BRINP3: variants seen among roughly 807,000 people sequenced by gnomAD.
BRINP3 encodes the protein BMP/retinoic acid inducible neural specific 3, also known as BMP/retinoic acid-inducible neural-specific protein 3.
Under a neutral mutation model 71.0 loss-of-function variants are expected in BRINP3, and 19 were observed. That is an observed-to-expected ratio of 0.27 (90% CI 0.19 to 0.39). BRINP3 has a LOEUF of 0.39. Among genes scored for constraint, BRINP3 ranks in the 10% least tolerant of loss-of-function variants. The pLI is 1.00. For synonymous variants in BRINP3, 380 were observed against 337.7 expected (o/e 1.13, Z -1.37); for missense variants, 959 against 940.8 (o/e 1.02, Z -0.25).
In BRINP3 at chr1:190,344,474, G is replaced by A. The variant is rs578032736; in HGVS notation, c.237-62724C>T. Among the ~76,000 whole-genome samples, 326 of 151,938 alleles carry A rather than the reference G, an allele frequency of 2.1e-3. 1 individual carries two copies. Among genetic ancestry groups the A allele is most frequent in the African/African-American group, 7.6e-3 (315 of 41,538 alleles). On this transcript the variant is annotated intron_variant, in intron 2 of 7. Transcript: ENST00000367462. ...TCAAAACTTTTCAGTGCAAACATAA[G>A]TAGCAAAGATTTGATTGTCTATTAC... is the stretch of plus-strand genomic sequence containing the variant.
At chr1:190,225,762 C>G (rs143885437) in intron 6 of BRINP3, among the ~76,000 whole-genome samples, 46 of 151,952 alleles carry the variant, frequency 3.0e-4, no homozygotes, top group African/African-American at 1.1e-3. Context: ...AAAGCAGACA[C>G]TAGAAAAGTA....
At chr1:190,331,944 T>C (rs1442551983) in intron 2 of BRINP3, among the ~76,000 whole-genome samples, 1 of 152,020 alleles carries the variant, frequency 6.6e-6, no homozygotes, top group Non-Finnish European at 1.5e-5. Context: ...GCATCACTAG[T>C]ATTTTCTTAA....
intron 2 of BRINP3, among the ~76,000 whole-genome samples, chr1:190,431,227 G>T: frequency 6.6e-6 from 1 of 152,034 alleles, no homozygotes; most frequent in East Asian, 1.9e-4. Flanking sequence ...TTAATTAATT[G>T]ATTGTAAATG....
intron 7 of BRINP3, 53 bp from the exon 8 acceptor site, chr1:190,099,187 C>T (rs567209093): frequency 1.2e-5 from 18 of 1,512,064 alleles, no homozygotes; most frequent in Non-Finnish European, 1.6e-5. Flanking sequence ...ATTCTGTGTA[C>T]TGCAGTAAAC....
At chr1:190,446,400 C>G (rs1411392651) in intron 2 of BRINP3, among the ~76,000 whole-genome samples, 2 of 151,948 alleles carry the variant, frequency 1.3e-5, no homozygotes, top group African/African-American at 4.8e-5. Context: ...GGGTAAAAAG[C>G]TTCCTTCTTA....
At chr1:190,393,571 A>C (rs1407813298) in intron 2 of BRINP3, among the ~76,000 whole-genome samples, 1 of 151,664 alleles carries the variant, frequency 6.6e-6, no homozygotes, top group African/African-American at 2.4e-5. Flanking sequence ...ATTTATTTTT[A>C]ATGAACTGAT....
intron 6 of BRINP3, among the ~76,000 whole-genome samples, chr1:190,162,011 G>T (rs1241827288): frequency 6.6e-6 from 1 of 151,962 alleles, no homozygotes; most frequent in Non-Finnish European, 1.5e-5. Flanking sequence ...GATCAAATAA[G>T]TACAGAGTTC....
chr1:190,350,485 C>T (rs781553778), intron 2 of BRINP3, among the ~76,000 whole-genome samples: 9 of 152,046 alleles, frequency 5.9e-5, no homozygotes, highest in Non-Finnish European at 1.2e-4. Flanking sequence ...TAAAAATGGA[C>T]ACCAAATACT....
chr1:190,377,657 CA>C (rs1346496372), intron 2 of BRINP3, among the ~76,000 whole-genome samples: 1 of 150,396 alleles, frequency 6.6e-6, no homozygotes, highest in African/African-American at 2.4e-5. Context: ...TACACACACA[CA>C]AAGTGTTAGA....
intron 6 of BRINP3, among the ~76,000 whole-genome samples, chr1:190,215,120 C>T (rs1656299719): frequency 6.7e-6 from 1 of 148,966 alleles, no homozygotes; most frequent in African/African-American, 2.5e-5. Flanking sequence ...GAAATGAAAT[C>T]TTGCGTCTCC....
intron 4 of BRINP3, among the ~76,000 whole-genome samples, chr1:190,239,494 C>A (rs181973741): frequency 6.6e-6 from 1 of 151,996 alleles, no homozygotes; most frequent in East Asian, 1.9e-4. Context: ...TGGTGGTTAC[C>A]CTTTCGATAT....
intron 6 of BRINP3, among the ~76,000 whole-genome samples, chr1:190,185,021 G>T (rs1280817697): frequency 6.6e-6 from 1 of 152,086 alleles, no homozygotes; most frequent in Non-Finnish European, 1.5e-5. Context: ...GACAGAGGAA[G>T]AACTTCATGA....
intron 6 of BRINP3, among the ~76,000 whole-genome samples, chr1:190,218,167 A>G (rs571931135): frequency 6.6e-6 from 1 of 151,996 alleles, no homozygotes; most frequent in African/African-American, 2.4e-5. Flanking sequence ...CATTTTTGGT[A>G]CCAAAAGAGC....
chr1:190,098,324 G>A lies in BRINP3; in HGVS notation c.1995C>T (p.Asn665=), dbSNP rs996206792. ...SRNLGYMKIN[N]IQVFGYSMHF... ...GCATGCTGTAGCCAAACACTTGAATGTTATTGATTTTCATATAGCCCAGGT... is the reference window on the plus strand; with the variant it reads ...GCATGCTGTAGCCAAACACTTGAATATTATTGATTTTCATATAGCCCAGGT... Residue 665 remains asparagine (N), a synonymous_variant, in exon 8 of 8, where the codon AAC becomes AAT. Transcript: ENST00000367462. 6.8e-6 allele frequency: 11 copies of A among 1,614,042 alleles called. No individual in the cohort carries two copies. The African/African-American group carries it at 1.3e-4, about 20-fold the overall frequency.
intron 1 of BRINP3, among the ~76,000 whole-genome samples, chr1:190,456,232 A>T: frequency 6.6e-6 from 1 of 152,172 alleles, no homozygotes; most frequent in East Asian, 1.9e-4. Context: ...ATAGAGAAAT[A>T]ATTTTGGGGC....
chr1:190,476,439 T>C (rs1230134637), intron 1 of BRINP3, among the ~76,000 whole-genome samples: 4 of 152,064 alleles, frequency 2.6e-5, no homozygotes, highest in Non-Finnish European at 4.4e-5. Context: ...TTAATGAATA[T>C]CGTGCTTTCC....
chr1:190,098,033 G>T lies in BRINP3; in HGVS notation c.2286C>A (p.Thr762=), dbSNP rs542329663. ...ACATTTATGGTTAACTACATAATTT[G>T]GTCGTGTCATAATCCATTGTGTTTG... ...KLPNTMDYDT[T]KLCS is the part of the protein sequence containing the mutation. Residue 762 remains threonine (T), a synonymous_variant, in exon 8 of 8, where the codon ACC becomes ACA. Coordinates refer to ENST00000367462, the MANE Select transcript of BRINP3 (RefSeq NM_199051.3). 8.1e-6 allele frequency: 13 copies of T among 1,605,642 alleles called. No homozygotes were observed. The highest frequency in any genetic ancestry group is 2.7e-5 in the African/African-American group (2 of 74,490).
At chr1:190,384,957 A>C (rs556427779) in intron 2 of BRINP3, among the ~76,000 whole-genome samples, 48 of 151,982 alleles carry the variant, frequency 3.2e-4, no homozygotes, top group Middle Eastern at 3.4e-3. Flanking sequence ...TGACAAAAAC[A>C]AGGAATGGGG....
chr1:190,150,872 A>G (rs1656329497), intron 7 of BRINP3, among the ~76,000 whole-genome samples: 1 of 152,180 alleles, frequency 6.6e-6, no homozygotes, highest in South Asian at 2.1e-4. Context: ...TTTAATGGGA[A>G]GTGTTTAAAA....
Sources: allele counts gnomAD v4.1 joint callset (sites outside exome capture counted in the v4.1 genomes callset), GRCh38; gene constraint gnomAD v4.1.1; transcripts MANE v1.5; gene names NCBI Gene and HGNC (gene_info 2026-07-23, HGNC 2026-07-21).